The following SDCCAG8 variants were observed in gnomAD, a reference collection of about 807,000 sequenced individuals.
The protein encoded by SDCCAG8 is serologically defined colon cancer antigen 8.
In SDCCAG8, 74 loss-of-function variants were observed where a neutral mutation model predicts 101.8. The observed-to-expected ratio is 0.73, with a 90% CI of 0.60 to 0.88. SDCCAG8 has a LOEUF of 0.88. Ranked by LOEUF, SDCCAG8 falls within the 40% of genes least tolerant of loss-of-function variation. The probability of loss-of-function intolerance (pLI) is 0.00; values close to 1 mark genes in which losing one functional copy is unlikely to be tolerated. For missense variants in SDCCAG8, 787 were observed against 822.6 expected (o/e 0.96, Z 0.53); for synonymous variants, 281 against 292.9 (o/e 0.96, Z 0.41).
In SDCCAG8 at chr1:243,413,280, G is replaced by A. The variant is rs529747794; in HGVS notation, c.1617-2422G>A. Among the ~76,000 whole-genome samples the A allele has an allele frequency of 5.3e-5, 8 of 152,104 alleles. No homozygotes were observed. In the South Asian group the frequency reaches 6.2e-4, roughly 12 times the overall value. On this transcript the variant is annotated intron_variant, in intron 13 of 17. Coordinates refer to ENST00000366541, the MANE Select transcript of SDCCAG8 (RefSeq NM_006642.5). Reference sequence around the variant, plus strand: ...GAGTTCAGTGGCACAATCTCTGCTCGCTGCATCCTCTACCTCTCAGGTTGA... The same window carrying A: ...GAGTTCAGTGGCACAATCTCTGCTCACTGCATCCTCTACCTCTCAGGTTGA...
At chr1:243,425,500 G>C (rs150055481) in intron 15 of SDCCAG8, among the ~76,000 whole-genome samples, 412 of 151,850 alleles carry the variant, frequency 2.7e-3, no homozygotes, top group East Asian at 9.8e-3. Flanking sequence ...TTGCCTACTG[G>C]AAGAATTCTT....
At chr1:243,271,807 G>A (rs778800907) in intron 3 of SDCCAG8, among the ~76,000 whole-genome samples, 52 of 152,230 alleles carry the variant, frequency 3.4e-4, no homozygotes, top group Non-Finnish European at 3.1e-4. Context: ...GCCTCCCAAA[G>A]CACCGGGATT....
At chr1:243,428,844 T>C (rs2081519752) in intron 16 of SDCCAG8, among the ~76,000 whole-genome samples, 2 of 152,226 alleles carry the variant, frequency 1.3e-5, no homozygotes, top group Non-Finnish European at 2.9e-5. Flanking sequence ...AACCACCTCC[T>C]GTTGCTATTG....
At chr1:243,423,984 G>A (rs1248972547) in intron 15 of SDCCAG8, among the ~76,000 whole-genome samples, 1 of 152,056 alleles carries the variant, frequency 6.6e-6, no homozygotes, top group African/African-American at 2.4e-5. Flanking sequence ...TAAATATTTG[G>A]TGGTAGTATC....
At chr1:243,426,582 CAT>C (rs1251830751) in intron 16 of SDCCAG8, 24 bp downstream of exon 16, 1 of 1,613,604 alleles carries the variant, frequency 6.2e-7, no homozygotes, top group African/African-American at 1.3e-5. Context: ...CATGTCAACT[CAT>C]GTGCCGCATA....
intron 9 of SDCCAG8, among the ~76,000 whole-genome samples, 198 bp from the exon 10 acceptor site, chr1:243,330,342 T>C (rs199709574): frequency 1.6e-3 from 249 of 152,292 alleles, no homozygotes; most frequent in Non-Finnish European, 2.5e-3. Flanking sequence ...ATCATGAAAA[T>C]TGAAATATGT....
chr1:243,403,726 G>A (rs1202085793), intron 13 of SDCCAG8, among the ~76,000 whole-genome samples: 1 of 152,162 alleles, frequency 6.6e-6, no homozygotes, highest in Admixed American at 6.5e-5. Context: ...AGAATCTAAT[G>A]CTTGATGATC....
At chr1:243,298,000 A>G (rs1042389756) in intron 6 of SDCCAG8, among the ~76,000 whole-genome samples, 10 of 151,326 alleles carry the variant, frequency 6.6e-5, no homozygotes, top group African/African-American at 2.2e-4. Flanking sequence ...TCCAACTACA[A>G]TCATGAAGCT....
At chr1:243,277,156 AG>A (rs1399671787) in intron 4 of SDCCAG8, among the ~76,000 whole-genome samples, 2 of 152,224 alleles carry the variant, frequency 1.3e-5, no homozygotes, top group African/African-American at 4.8e-5. Context: ...ACCTCTTTAA[AG>A]TAAATACCAA....
chr1:243,316,179 G>A (rs1265187794), intron 8 of SDCCAG8, among the ~76,000 whole-genome samples: 1 of 152,208 alleles, frequency 6.6e-6, no homozygotes, highest in East Asian at 1.9e-4. Flanking sequence ...AATGTTATAT[G>A]CATAGCCAGG....
chr1:243,436,766 G>T (rs2082161498), intron 16 of SDCCAG8, among the ~76,000 whole-genome samples: 1 of 151,952 alleles, frequency 6.6e-6, no homozygotes, highest in African/African-American at 2.4e-5. Flanking sequence ...TATTATTTTT[G>T]CTTTTTCTAC....
chr1:243,379,505 T>C lies in SDCCAG8; in HGVS notation c.1616+642T>C, dbSNP rs6702201. Reference sequence around the variant, plus strand: ...GGCCCTAAATTACAGTAAGACTCTTTAGGTTGTAAGCATTGTGAATTTGCT... The same window carrying C: ...GGCCCTAAATTACAGTAAGACTCTTCAGGTTGTAAGCATTGTGAATTTGCT... On this transcript the variant is annotated intron_variant, in intron 13 of 17. Transcript: ENST00000366541. Among the ~76,000 whole-genome samples, 979 of 152,282 alleles carry C rather than the reference T, an allele frequency of 6.4e-3. 12 individuals are homozygous for C. The highest frequency in any genetic ancestry group is 0.022 in the African/African-American group (897 of 41,556).
intron 10 of SDCCAG8, among the ~76,000 whole-genome samples, chr1:243,334,676 G>A (rs1256926068): frequency 6.6e-6 from 1 of 151,966 alleles, no homozygotes; most frequent in Non-Finnish European, 1.5e-5. Context: ...ACTTAGCCTC[G>A]ACCACTTGAG....
chr1:243,387,670 C>A (rs1348019989), intron 13 of SDCCAG8, among the ~76,000 whole-genome samples: 1 of 152,162 alleles, frequency 6.6e-6, no homozygotes, highest in Non-Finnish European at 1.5e-5. Flanking sequence ...TAGAGGCTGC[C>A]TTTCCAGGGC....
At chr1:243,292,189 T>C (rs1476357775) in intron 5 of SDCCAG8, among the ~76,000 whole-genome samples, 1 of 152,176 alleles carries the variant, frequency 6.6e-6, no homozygotes, top group Non-Finnish European at 1.5e-5. Flanking sequence ...TTTTATTACA[T>C]AGGCATGATT....
intron 13 of SDCCAG8, among the ~76,000 whole-genome samples, chr1:243,405,432 A>T (rs2079704543): frequency 6.6e-6 from 1 of 152,212 alleles, no homozygotes; most frequent in African/African-American, 2.4e-5. Context: ...TTAGAATAAC[A>T]TCTGAGACCT....
Position 243,270,277 on chromosome 1 carries a change from C to G in SDCCAG8, c.220+20C>G. The stretch of plus-strand genomic sequence containing the variant: ...ATGCTGGTGAGTGTGAATGTCAATC[C>G]TAGTCTGAATGATGCATAGTGAATT... On this transcript the variant is annotated intron_variant, in intron 2 of 17. Transcript: ENST00000366541. 1 of 1,611,942 alleles carries G rather than the reference C, an allele frequency of 6.2e-7. No individual in the cohort carries two copies.
chr1:243,256,107 G>C lies in SDCCAG8; in HGVS notation c.-67G>C. ...GGCGCTCCCCGGCCACAGGCCTGTT[G>C]TTCTCGGAAGGGAGAAAGCTGGACA... is the stretch of plus-strand genomic sequence containing the variant. On this transcript the variant is annotated 5_prime_UTR_variant, in exon 1 of 18. Coordinates refer to ENST00000366541, the MANE Select transcript of SDCCAG8 (RefSeq NM_006642.5). 6.7e-7 allele frequency: 1 copy of C among 1,493,336 alleles called. No homozygotes were observed. The highest frequency in any genetic ancestry group is 9.3e-7 in the Non-Finnish European group (1 of 1,069,950). 92.5% of individuals were successfully genotyped at this position (1,493,336 alleles called of 1,614,324 possible). A position where few individuals can be genotyped will look rare whatever the true frequency, so the allele number is the denominator to read the frequency against.
Position 243,294,704 on chromosome 1 carries a change from C to CCA in SDCCAG8, c.675+1486_675+1487insAC, listed in dbSNP as rs1553298404. 2.8e-4 allele frequency among the ~76,000 whole-genome samples: 34 copies of CCA among 123,606 alleles called. 2 individuals carry two copies. The highest frequency in any genetic ancestry group is 2.2e-3 in the South Asian group (9 of 4,010). 81.1% of individuals were successfully genotyped at this position (123,606 alleles called of 152,430 possible). A position where few individuals can be genotyped will look rare whatever the true frequency, so the allele number is the denominator to read the frequency against. On this transcript the variant is annotated intron_variant, in intron 6 of 17. Transcript: ENST00000366541. ...ACTGTGACTTTCTAAATTCCCCCCC[C>CCA]CCCCCACAGCTGCCTTTGAACGTCC...
Sources: allele counts gnomAD v4.1 joint callset (sites outside exome capture counted in the v4.1 genomes callset), GRCh38; gene constraint gnomAD v4.1.1; transcripts MANE v1.5; gene names NCBI Gene and HGNC (gene_info 2026-07-23, HGNC 2026-07-21).